Variants in QPCTL observed in about 807,000 individuals in gnomAD.
QPCTL encodes the protein glutaminyl-peptide cyclotransferase like, also known as glutaminyl-peptide cyclotransferase-like protein.
Under a neutral mutation model 34.6 loss-of-function variants are expected in QPCTL, and 31 were observed. That is an observed-to-expected ratio of 0.90 (90% CI 0.67 to 1.21). The LOEUF (loss-of-function observed/expected upper bound fraction) is 1.21, where lower values mean the gene tolerates loss of function less well. Ranked by LOEUF, QPCTL falls within the 50% of genes most tolerant of loss-of-function variation. The pLI is 0.00. For missense variants in QPCTL, 474 were observed against 507.8 expected, an observed-to-expected ratio of 0.93 and a Z score of 0.64; for synonymous variants, 223 against 226.9, an observed-to-expected ratio of 0.98 and a Z score of 0.15.
Position 45,698,625 on chromosome 19 carries a change from T to A in QPCTL, c.712T>A (p.Tyr238Asn). 6.2e-7 allele frequency: 1 copy of A among 1,614,138 alleles called. No individual in the cohort carries two copies. Among genetic ancestry groups the A allele is most frequent in the African/African-American group, 1.3e-5 (1 of 75,042 alleles). Residue 238 changes from tyrosine to asparagine, a missense_variant, in exon 4 of 7, where the codon TAC becomes AAC. Transcript: ENST00000012049. ...GGAGTGGGGACCCAAGGACTCCCTT[T>A]ACGGTTCCCGGCACCTGGCCCAGCT... ...LKEWGPKDSLYGSRHLAQLME... is the reference protein window; with the variant it reads ...LKEWGPKDSLNGSRHLAQLME...
In QPCTL at chr19:45,695,547, A is replaced by G. The variant is rs372409654; in HGVS notation, c.462A>G (p.Thr154=). 37 of 1,613,930 alleles carry G rather than the reference A, an allele frequency of 2.3e-5. No individual in the cohort carries two copies. The African/African-American group carries it at 3.6e-4, about 16-fold the overall frequency. ...TGGACTTTGGCAATGTGGTGGCCAC[A>G]CTGGACCCAAGGGCTGCCCGTCACC... ...GPVDFGNVVA[T]LDPRAARHLT... Residue 154 remains threonine, a synonymous_variant, in exon 3 of 7, where the codon ACA becomes ACG. Transcript: ENST00000012049.
Position 45,692,731 on chromosome 19 carries a change from C to T in QPCTL, c.28C>T (p.Arg10Cys), listed in dbSNP as rs772292355. 9.5e-5 allele frequency: 148 copies of T among 1,563,882 alleles called. No individual in the cohort carries two copies. The highest frequency in any genetic ancestry group is 7.3e-5 in the Non-Finnish European group (84 of 1,154,520). MRSGGRGRP[R>C]LRLGERGLME... ...GCGTTCCGGGGGCCGCGGGCGACCC[C>T]GCCTGCGGCTGGGGGAACGTGGCCT... The change falls in exon 1 of 7, where the codon CGC becomes TGC. Residue 10 changes from arginine to cysteine, a missense_variant. Physicochemically the swap from Arg to Cys is radical, Grantham distance 180. Transcript: ENST00000012049.
At chr19:45,693,610 A>G (rs1967628611) in intron 2 of QPCTL, 54 bp downstream of exon 2, 1 of 1,525,984 alleles carries the variant, frequency 6.6e-7, no homozygotes. Context: ...GGAATGGGAA[A>G]TAAGAATCCT....
At chr19:45,702,861 G>A (rs371925320) in intron 6 of QPCTL, 43 bp from the exon 7 acceptor site, 2 of 1,612,362 alleles carry the variant, frequency 1.2e-6, no homozygotes, top group Non-Finnish European at 8.5e-7. Flanking sequence ...CTGGGTTGTG[G>A]TGGGCTGCAG....
intron 5 of QPCTL, among the ~76,000 whole-genome samples, chr19:45,700,009 T>C (rs1269426754): frequency 7.0e-6 from 1 of 143,744 alleles, no homozygotes; most frequent in Non-Finnish European, 1.5e-5. Flanking sequence ...GCTGAAGTGG[T>C]AGGATCACTT....
At chr19:45,697,970 C>T (rs563956255) in intron 3 of QPCTL, among the ~76,000 whole-genome samples, 8 of 152,038 alleles carry the variant, frequency 5.3e-5, no homozygotes, top group Admixed American at 1.3e-4. Flanking sequence ...TTGCCGGGCG[C>T]GGTGGCTCAC....
At position 45,693,397 on chromosome 19, in the gene QPCTL, C is replaced by G. The variant is rs2146122611; in HGVS notation, c.208-16C>G. 1.2e-6 allele frequency: 2 copies of G among 1,604,742 alleles called. No individual in the cohort carries two copies. Among genetic ancestry groups the G allele is most frequent in the Middle Eastern group, 1.7e-4 (1 of 5,918 alleles). On this transcript the variant is annotated splice_polypyrimidine_tract_variant and intron_variant, in intron 1 of 6. Transcript: ENST00000012049. Reference sequence around the variant, plus strand: ...TGCTCTCATTCTTCCCTTCCCTATCCCACCTCCTTCCCAAGGTCCCATTGA... The same window carrying G: ...TGCTCTCATTCTTCCCTTCCCTATCGCACCTCCTTCCCAAGGTCCCATTGA...
rs570154536 is a variant in QPCTL, at chr19:45,701,804, G to A, written c.893G>A (p.Arg298His). ...WFHRLRSIEK[R>H]LHRLNLLQSH... ...TAATCGCCCCCACTTCCAGAGAAGCGTCTGCACCGTTTGAACCTGCTGCAG... is the reference window on the plus strand; with the variant it reads ...TAATCGCCCCCACTTCCAGAGAAGCATCTGCACCGTTTGAACCTGCTGCAG... Residue 298 changes from arginine (R) to histidine (H), a missense_variant, in exon 6 of 7, where the codon CGT becomes CAT. Transcript: ENST00000012049. The A allele has an allele frequency of 3.4e-5, 55 of 1,613,218 alleles. No homozygotes were observed. The East Asian group carries it at 6.7e-4, about 20-fold the overall frequency.
intron 1 of QPCTL, 141 bp from the exon 2 acceptor site, chr19:45,693,272 T>TTA (rs1403026218): frequency 1.3e-5 from 16 of 1,200,242 alleles, no homozygotes; most frequent in Non-Finnish European, 1.7e-5. Context: ...AGCCTTGGAT[T>TTA]TATCCTAGAA....
chr19:45,699,007 C>T (rs10445552), intron 5 of QPCTL, 107 bp downstream of exon 5: 4 of 850,672 alleles, frequency 4.7e-6, no homozygotes, highest in Non-Finnish European at 7.3e-6. Flanking sequence ...ATCCACCAGT[C>T]TGGGCCACAT....
intron 3 of QPCTL, 114 bp downstream of exon 3, chr19:45,695,832 A>G: frequency 7.5e-6 from 9 of 1,194,970 alleles, no homozygotes; most frequent in Non-Finnish European, 1.0e-5. Flanking sequence ...TACTCCACGC[A>G]CAGAGCCACA....
chr19:45,692,670 C>A lies in QPCTL; in HGVS notation c.-34C>A. 6.8e-7 allele frequency: 1 copy of A among 1,462,856 alleles called. No individual in the cohort carries two copies. The highest frequency in any genetic ancestry group is 9.1e-7 in the Non-Finnish European group (1 of 1,098,842). 90.6% of individuals were successfully genotyped at this position (1,462,856 alleles called of 1,614,324 possible). A position where few individuals can be genotyped will look rare whatever the true frequency, so the allele number is the denominator to read the frequency against. Reference sequence around the variant, plus strand: ...AACTTGGCTGGGCCTAAACTCAATCCGTGGTCTGGTACAGGTTTCAGGGCA... The same window carrying A: ...AACTTGGCTGGGCCTAAACTCAATCAGTGGTCTGGTACAGGTTTCAGGGCA... On this transcript the variant is annotated 5_prime_UTR_variant, in exon 1 of 7. Transcript: ENST00000012049.
chr19:45,693,767 G>T (rs149558124), intron 2 of QPCTL, among the ~76,000 whole-genome samples: 1 of 152,324 alleles, frequency 6.6e-6, no homozygotes, highest in East Asian at 1.9e-4. Flanking sequence ...CTAGGCATAG[G>T]CAACAGACAG....
rs151259915 is a variant in QPCTL, at chr19:45,702,833, G to C, written c.1004-71G>C. The C allele has an allele frequency of 6.9e-6, 11 of 1,590,320 alleles. 1 individual carries two copies. In the East Asian group the frequency reaches 2.2e-4, roughly 32 times the overall value. ...TGTGGTGGCAAGGCAAGGTTACCTA[G>C]AGGTTGGGCTTGGGCTCCTGGGTTG... is the stretch of plus-strand genomic sequence containing the variant. On this transcript the variant is annotated intron_variant, in intron 6 of 6. Transcript: ENST00000012049.
At position 45,702,893 on chromosome 19, in the gene QPCTL, T is replaced by C; in HGVS notation, c.1004-11T>C. 1 of 1,614,104 alleles carries C rather than the reference T, an allele frequency of 6.2e-7. No individual in the cohort carries two copies. The highest frequency in any genetic ancestry group is 8.5e-7 in the Non-Finnish European group (1 of 1,179,982). ...GCAGTGGACCTGACAAAGTCTCCTC[T>C]GTCACTTCAGGGGTACCCGTGCTCC... On this transcript the variant is annotated splice_polypyrimidine_tract_variant and intron_variant, in intron 6 of 6. Transcript: ENST00000012049.
chr19:45,700,742 C>CTT (rs1967793463), intron 5 of QPCTL, among the ~76,000 whole-genome samples: 2 of 152,002 alleles, frequency 1.3e-5, no homozygotes, highest in Non-Finnish European at 1.5e-5. Context: ...GGGCGAATCA[C>CTT]AAGGTCAGCA....
intron 1 of QPCTL, 115 bp from the exon 2 acceptor site, chr19:45,693,298 G>T (rs1456136773): frequency 4.5e-6 from 6 of 1,337,074 alleles, no homozygotes; most frequent in African/African-American, 1.5e-5. Flanking sequence ...CGATGCTGGA[G>T]GCGGCAGATT....
intron 6 of QPCTL, among the ~76,000 whole-genome samples, chr19:45,702,308 A>G (rs1290562191): frequency 6.6e-6 from 1 of 151,898 alleles, no homozygotes; most frequent in Non-Finnish European, 1.5e-5. Context: ...TAAAAATACA[A>G]AAAAATTAGC....
At position 45,698,607 on chromosome 19, in the gene QPCTL, G is replaced by A; in HGVS notation, c.694G>A (p.Gly232Arg). The A allele has an allele frequency of 6.2e-7, 1 of 1,614,106 alleles. No homozygotes were observed. The highest frequency in any genetic ancestry group is 1.7e-4 in the Middle Eastern group (1 of 6,060). ...TGGTGAAGAGGCGCTGAAGGAGTGGGGACCCAAGGACTCCCTTTACGGTTC... is the reference window on the plus strand; with the variant it reads ...TGGTGAAGAGGCGCTGAAGGAGTGGAGACCCAAGGACTCCCTTTACGGTTC... ...LDGEEALKEW[G>R]PKDSLYGSRH... Residue 232 changes from glycine (G) to arginine (R), a missense_variant, in exon 4 of 7, where the codon GGA (glycine) becomes AGA (arginine). By Grantham distance (125) the Gly-to-Arg change is moderately radical. Transcript: ENST00000012049.
Sources: gnomAD v4.1 joint callset for allele counts (sites outside exome capture counted in the v4.1 genomes callset) on GRCh38, gnomAD v4.1.1 for gene constraint, MANE v1.5 for transcripts, NCBI Gene and HGNC (gene_info 2026-07-23, HGNC 2026-07-21) for gene names.